Variants in TSPEAR observed in about 807,000 individuals in gnomAD.
TSPEAR encodes the protein thrombospondin type laminin G domain and EAR repeats, also known as thrombospondin-type laminin G domain and EAR repeat-containing protein.
A neutral mutation model predicts 71.6 loss-of-function variants in TSPEAR; 69 were observed. That is an observed-to-expected ratio of 0.96 (90% confidence interval 0.79 to 1.18). The LOEUF (loss-of-function observed/expected upper bound fraction) is 1.18. Ranked by LOEUF, TSPEAR falls within the 50% of genes most tolerant of loss-of-function variation. The pLI, the probability that TSPEAR is intolerant of heterozygous loss-of-function variation, is 0.00. For missense variants in TSPEAR, 971 were observed against 894.9 expected (o/e 1.09, Z -1.09); for synonymous variants, 402 against 387.2 (o/e 1.04, Z -0.45).
At chr21:44,602,023 G>A in intron 1 of TSPEAR, 1 of 540,358 alleles carries the variant, frequency 1.9e-6, no homozygotes, top group Non-Finnish European at 3.4e-6. Flanking sequence ...GAGAAATGAG[G>A]GTAGACAGGT....
chr21:44,644,939 A>AAG (rs10661387), intron 1 of TSPEAR, among the ~76,000 whole-genome samples: 1 of 151,642 alleles, frequency 6.6e-6, no homozygotes, highest in Non-Finnish European at 1.5e-5. Context: ...GAGTTAAGGA[A>AAG]AGAGAGAAAC....
intron 1 of TSPEAR, among the ~76,000 whole-genome samples, chr21:44,705,091 A>G (rs1398036475): frequency 1.3e-5 from 2 of 152,250 alleles, no homozygotes; most frequent in Non-Finnish European, 2.9e-5. Context: ...TGGATTGTGA[A>G]GATTTTATGG....
In TSPEAR at chr21:44,504,792, C is replaced by T; in HGVS notation, c.1844G>A (p.Ser615Asn). The T allele has an allele frequency of 6.2e-7, 1 of 1,613,312 alleles. No individual in the cohort carries two copies. Among genetic ancestry groups the T allele is most frequent in the Non-Finnish European group, 8.5e-7 (1 of 1,179,490 alleles). Residue 615 changes from serine (S) to asparagine (N), a missense_variant, in exon 11 of 12, where the codon AGT becomes AAT. By Grantham distance (46) the Ser-to-Asn change is conservative. Transcript: ENST00000323084. ...SFDGRTFSVN[S>N]IIYRWQGYEG... ...GGCAGCTCATTACCTGTAAATAATA[C>T]TGTTCACCGAGAAGGTACGCCCATC...
chr21:44,613,707 C>T (rs782203404), intron 1 of TSPEAR, among the ~76,000 whole-genome samples: 7 of 152,210 alleles, frequency 4.6e-5, no homozygotes, highest in East Asian at 3.9e-4. Context: ...GAGGGACACA[C>T]AGGATTCCCC....
At chr21:44,539,724 C>A (rs1555916905) in intron 2 of TSPEAR, 1 of 1,609,294 alleles carries the variant, frequency 6.2e-7, no homozygotes. Flanking sequence ...CAAACAGGCA[C>A]ACAGCAGGAC....
At chr21:44,558,821 C>T (rs782210263) in intron 2 of TSPEAR, 8 of 1,393,310 alleles carry the variant, frequency 5.7e-6, no homozygotes, top group Non-Finnish European at 7.8e-6. Flanking sequence ...TGGTCGGAAC[C>T]TTTATACCCC....
chr21:44,632,574 G>A (rs1203628273), intron 1 of TSPEAR, among the ~76,000 whole-genome samples: 2 of 152,216 alleles, frequency 1.3e-5, no homozygotes, highest in South Asian at 2.1e-4. Context: ...AGTGGCTCAC[G>A]CCTGTAATCC....
chr21:44,670,070 C>A (rs963787517), intron 1 of TSPEAR, among the ~76,000 whole-genome samples: 9 of 152,154 alleles, frequency 5.9e-5, no homozygotes, highest in Non-Finnish European at 1.2e-4. Flanking sequence ...TAATATCATT[C>A]AAAACCACTA....
chr21:44,629,287 G>A (rs187087079), intron 1 of TSPEAR, among the ~76,000 whole-genome samples: 5 of 152,286 alleles, frequency 3.3e-5, no homozygotes, highest in African/African-American at 7.2e-5. Flanking sequence ...CAAAGTCCAC[G>A]GACTGGGGGC....
intron 1 of TSPEAR, chr21:44,676,016 A>G: frequency 1.2e-6 from 1 of 842,512 alleles, no homozygotes; most frequent in Non-Finnish European, 2.1e-6. Flanking sequence ...CAGCTGATTG[A>G]CAAATTTTGC....
chr21:44,591,816 G>T, intron 1 of TSPEAR: 2 of 1,598,770 alleles, frequency 1.3e-6, no homozygotes, highest in African/African-American at 1.4e-5. Context: ...CCTGCTGGCA[G>T]GGGGAGGAGG....
chr21:44,513,991 C>A (rs782227935), intron 9 of TSPEAR, among the ~76,000 whole-genome samples: 3 of 152,038 alleles, frequency 2.0e-5, no homozygotes, highest in Non-Finnish European at 4.4e-5. Flanking sequence ...CTCTTGGGTG[C>A]CCCCCGTGCT....
intron 10 of TSPEAR, among the ~76,000 whole-genome samples, chr21:44,505,603 C>T (rs1367862703): frequency 2.9e-5 from 4 of 136,002 alleles, no homozygotes; most frequent in African/African-American, 8.1e-5. Context: ...GCACCCACCA[C>T]GCCACTTTCT....
intron 9 of TSPEAR, among the ~76,000 whole-genome samples, chr21:44,513,936 G>C (rs2052475725): frequency 6.6e-6 from 1 of 152,142 alleles, no homozygotes; most frequent in African/African-American, 2.4e-5. Context: ...CTGGATGACA[G>C]GTGACTCCCT....
intron 1 of TSPEAR, among the ~76,000 whole-genome samples, chr21:44,622,797 G>A (rs1244056932): frequency 6.6e-6 from 1 of 152,184 alleles, no homozygotes; most frequent in African/African-American, 2.4e-5. Flanking sequence ...ACATGGTTTG[G>A]TTGTATGGCC....
intron 6 of TSPEAR, among the ~76,000 whole-genome samples, 194 bp from the exon 7 acceptor site, chr21:44,527,712 C>T (rs1157446391): frequency 6.6e-6 from 1 of 152,208 alleles, no homozygotes; most frequent in Non-Finnish European, 1.5e-5. Context: ...CTGCCAGGGG[C>T]TTTGTGATCT....
chr21:44,558,001 G>A, intron 2 of TSPEAR: 1 of 1,564,938 alleles, frequency 6.4e-7, no homozygotes. Context: ...AGGATTTTCG[G>A]AAGTCAGAGA....
intron 1 of TSPEAR, among the ~76,000 whole-genome samples, chr21:44,577,816 G>A (rs1448416844): frequency 6.6e-6 from 1 of 152,162 alleles, no homozygotes; most frequent in Admixed American, 6.5e-5. Context: ...TATAAAACAA[G>A]AGAACAAATA....
intron 11 of TSPEAR, among the ~76,000 whole-genome samples, chr21:44,501,606 A>G (rs1601311487): frequency 6.6e-6 from 1 of 152,108 alleles, no homozygotes; most frequent in Non-Finnish European, 1.5e-5. Flanking sequence ...CCAAAAAGAA[A>G]AAATAAAATT....
Sources: gnomAD v4.1 joint callset for allele counts (sites outside exome capture counted in the v4.1 genomes callset) on GRCh38, gnomAD v4.1.1 for gene constraint, MANE v1.5 for transcripts, NCBI Gene and HGNC (gene_info 2026-07-23, HGNC 2026-07-21) for gene names.